RNF125: variants seen among roughly 807,000 people sequenced by gnomAD.
RNF125 encodes E3 ubiquitin-protein ligase RNF125.
Under a neutral mutation model 26.0 loss-of-function variants are expected in RNF125, and 21 were observed. The observed-to-expected ratio is 0.81, with a 90% CI of 0.57 to 1.16. The LOEUF (loss-of-function observed/expected upper bound fraction) is 1.16, where lower values mean the gene tolerates loss of function less well. Among genes scored for constraint, RNF125 ranks in the 50% most tolerant of loss-of-function variants. The probability of loss-of-function intolerance (pLI) is 0.00; values close to 1 mark genes in which losing one functional copy is unlikely to be tolerated. For synonymous variants in RNF125, 95 were observed against 109.2 expected (o/e 0.87, Z 0.81); for missense variants, 270 against 299.4 (o/e 0.90, Z 0.72).
intron 4 of RNF125, among the ~76,000 whole-genome samples, chr18:32,058,855 A>G (rs2039410583): frequency 6.6e-6 from 1 of 152,138 alleles, no homozygotes; most frequent in African/African-American, 2.4e-5. Context: ...TTTAGCTCCC[A>G]CAAATAAATG....
chr18:32,084,005 G>A, the RNF125 span, among the ~76,000 whole-genome samples: 1 of 152,034 alleles, frequency 6.6e-6, no homozygotes, highest in Non-Finnish European at 1.5e-5. Flanking sequence ...AGAGAAGAGC[G>A]AGAGAGAAAT....
intron 1 of RNF125, among the ~76,000 whole-genome samples, chr18:32,035,303 A>G (rs1182548556): frequency 6.6e-6 from 1 of 152,226 alleles, no homozygotes; most frequent in Non-Finnish European, 1.5e-5. Context: ...TAATTTGATA[A>G]CAGATGCAGA....
At chr18:32,083,117 TC>T in the RNF125 span, among the ~76,000 whole-genome samples, 5 of 152,352 alleles carry the variant, frequency 3.3e-5, no homozygotes, top group South Asian at 6.2e-4. Flanking sequence ...CTGTGTTTCT[TC>T]CCCTTTTTCC....
chr18:32,029,254 C>T (rs2039069068), intron 1 of RNF125, among the ~76,000 whole-genome samples: 2 of 152,100 alleles, frequency 1.3e-5, no homozygotes, highest in South Asian at 2.1e-4. Context: ...GAAGAGCCTT[C>T]TCACTTCTGC....
At chr18:32,026,846 T>C (rs532680000) in intron 1 of RNF125, among the ~76,000 whole-genome samples, 1 of 152,326 alleles carries the variant, frequency 6.6e-6, no homozygotes, top group East Asian at 1.9e-4. Flanking sequence ...CAACCAAGGT[T>C]TCCTAAGAGG....
intron 2 of RNF125, among the ~76,000 whole-genome samples, chr18:32,041,620 CTTTTTTTTT>C (rs60264747): frequency 0.013 from 1,208 of 93,304 alleles, 50 homozygotes; most frequent in African/African-American, 0.044. Context: ...AATGTAGATG[CTTTTTTTTT>C]TTTTTTTTTT....
intron 4 of RNF125, among the ~76,000 whole-genome samples, chr18:32,051,668 G>T (rs114391526): frequency 0.014 from 2,043 of 146,266 alleles, 59 homozygotes; most frequent in African/African-American, 0.049. Flanking sequence ...TGATTCAGGG[G>T]TTCCAGTGAG....
At chr18:32,081,250 CAAAG>C in the RNF125 span, among the ~76,000 whole-genome samples, 4 of 138,388 alleles carry the variant, frequency 2.9e-5, no homozygotes, top group African/African-American at 8.0e-5. Flanking sequence ...TTTTTAAACA[CAAAG>C]AAAAAAACAA....
chr18:32,077,071 AAAT>A (rs1450286452), downstream of RNF125, among the ~76,000 whole-genome samples: 1 of 152,172 alleles, frequency 6.6e-6, no homozygotes, highest in Non-Finnish European at 1.5e-5. Context: ...ATTCACCACT[AAAT>A]TCTCCAAAAT....
chr18:32,082,085 T>C, the RNF125 span, among the ~76,000 whole-genome samples: 2 of 152,148 alleles, frequency 1.3e-5, no homozygotes, highest in African/African-American at 4.8e-5. Context: ...GTTTGGGGAA[T>C]CTTGGCTCCC....
intron 3 of RNF125, 66 bp downstream of exon 3, chr18:32,042,339 G>A: frequency 1.0e-6 from 1 of 990,000 alleles, no homozygotes; most frequent in South Asian, 1.5e-5. Flanking sequence ...TTAATGGGCT[G>A]GAAACTTTAA....
chr18:32,034,560 A>ACCAGCC (rs2039133010), intron 1 of RNF125, among the ~76,000 whole-genome samples: 1 of 152,138 alleles, frequency 6.6e-6, no homozygotes, highest in Non-Finnish European at 1.5e-5. Context: ...ATTAAGGTAT[A>ACCAGCC]TGGAAGAGTT....
At chr18:32,027,276 T>C (rs531962715) in intron 1 of RNF125, among the ~76,000 whole-genome samples, 7 of 151,534 alleles carry the variant, frequency 4.6e-5, no homozygotes, top group African/African-American at 1.7e-4. Flanking sequence ...ATCTAAAGCA[T>C]GCAATTTGAG....
At chr18:32,068,224 G>A in intron 5 of RNF125, 74 bp from the exon 6 acceptor site, 2 of 783,928 alleles carry the variant, frequency 2.6e-6, no homozygotes, top group Non-Finnish European at 4.4e-6. Context: ...TGAGGGTGTT[G>A]CATTGACCCT....
intron 2 of RNF125, among the ~76,000 whole-genome samples, chr18:32,041,082 G>A (rs116085089): frequency 0.023 from 3,440 of 152,214 alleles, 125 homozygotes; most frequent in African/African-American, 0.08. Context: ...AAGCAGAGTG[G>A]GTCGGCCACC....
chr18:32,081,968 G>T, the RNF125 span, among the ~76,000 whole-genome samples: 28 of 152,316 alleles, frequency 1.8e-4, no homozygotes, highest in South Asian at 5.2e-3. Context: ...AGGTACAGGA[G>T]TCAAGTTCTT....
intron 4 of RNF125, among the ~76,000 whole-genome samples, chr18:32,063,616 T>G (rs944781533): frequency 1.3e-5 from 2 of 152,214 alleles, no homozygotes; most frequent in East Asian, 3.8e-4. Flanking sequence ...TGCAAACATT[T>G]GTACACAAAT....
intron 1 of RNF125, among the ~76,000 whole-genome samples, chr18:32,030,424 C>T (rs1221364012): frequency 6.6e-6 from 1 of 152,188 alleles, no homozygotes; most frequent in Non-Finnish European, 1.5e-5. Flanking sequence ...TTGAAACGTT[C>T]AATTTGTGGT....
chr18:32,080,676 A>C, the RNF125 span, among the ~76,000 whole-genome samples: 1 of 151,972 alleles, frequency 6.6e-6, no homozygotes, highest in Admixed American at 6.6e-5. Context: ...GTGACTATAG[A>C]TAACGCTACT....
Sources: allele counts gnomAD v4.1 joint callset (sites outside exome capture counted in the v4.1 genomes callset), GRCh38; gene constraint gnomAD v4.1.1; transcripts MANE v1.5; gene names NCBI Gene and HGNC (gene_info 2026-07-23, HGNC 2026-07-21).